The following UNC5D variants were observed in gnomAD, a reference collection of about 807,000 sequenced individuals.
The protein encoded by UNC5D is unc-5 netrin receptor D, also known as netrin receptor UNC5D.
A neutral mutation model predicts 105.4 loss-of-function variants in UNC5D; 39 were observed. That is an observed-to-expected ratio of 0.37 (90% CI 0.29 to 0.48). The LOEUF is 0.48. Ranked by LOEUF, UNC5D falls within the 20% of genes least tolerant of loss-of-function variation. UNC5D has a pLI of 0.98. For synonymous variants in UNC5D, 452 were observed against 450.4 expected (o/e 1.00, Z -0.04); for missense variants, 991 against 1,202.4 (o/e 0.82, Z 2.60).
At position 35,569,050 on chromosome 8, in the gene UNC5D, T is replaced by TA. The variant is rs34277362; in HGVS notation, c.466+828dup. Among the ~76,000 whole-genome samples, 740 of 118,852 alleles carry TA rather than the reference T, an allele frequency of 6.2e-3. 16 individuals carry two copies. The highest frequency in any genetic ancestry group is 0.059 in the East Asian group (242 of 4,124). The allele number at this position is 118,852 out of a possible 152,430, so 78.0% of individuals were successfully genotyped here. On this transcript the variant is annotated intron_variant, in intron 3 of 16. Coordinates refer to ENST00000404895, the MANE Select transcript of UNC5D (RefSeq NM_080872.4). ...TGCATTAGTTTGACCCAAGTAGGAC[T>TA]AAAAAAAAAAAAAAAAAAATACACA... is the stretch of plus-strand genomic sequence containing the variant.
chr8:35,566,977 G>C (rs1248547783), intron 2 of UNC5D, among the ~76,000 whole-genome samples: 2 of 152,008 alleles, frequency 1.3e-5, no homozygotes, highest in African/African-American at 2.4e-5. Flanking sequence ...AAGAAAGAAA[G>C]GTTGATAGTC....
chr8:35,486,707 G>A (rs957808994), intron 1 of UNC5D, among the ~76,000 whole-genome samples: 14 of 152,258 alleles, frequency 9.2e-5, no homozygotes, highest in Non-Finnish European at 1.5e-4. Flanking sequence ...TGCAAAGTGA[G>A]TACATGCTTC....
intron 4 of UNC5D, among the ~76,000 whole-genome samples, chr8:35,668,871 C>T (rs1208896783): frequency 6.6e-6 from 1 of 152,004 alleles, no homozygotes; most frequent in Non-Finnish European, 1.5e-5. Flanking sequence ...TGATAATTTT[C>T]AGTACTTAAA....
chr8:35,559,380 A>G (rs972047796), intron 2 of UNC5D, among the ~76,000 whole-genome samples: 6 of 152,158 alleles, frequency 3.9e-5, no homozygotes, highest in African/African-American at 1.4e-4. Flanking sequence ...GCATCCTACT[A>G]CAGAGAACTT....
chr8:35,435,969 T>C (rs1321162796), intron 1 of UNC5D, among the ~76,000 whole-genome samples: 1 of 152,096 alleles, frequency 6.6e-6, no homozygotes, highest in Non-Finnish European at 1.5e-5. Flanking sequence ...TAGAAAGTTT[T>C]AGCCATGAAG....
chr8:35,468,967 C>T (rs1417529087), intron 1 of UNC5D, among the ~76,000 whole-genome samples: 4 of 152,102 alleles, frequency 2.6e-5, no homozygotes, highest in Admixed American at 2.0e-4. Context: ...AGAAAAGTGG[C>T]CAGCAAAGCC....
chr8:35,719,187 C>CACACAT (rs66855470), intron 8 of UNC5D, among the ~76,000 whole-genome samples: 2 of 147,444 alleles, frequency 1.4e-5, no homozygotes, highest in East Asian at 2.0e-4. Context: ...CACACACACA[C>CACACAT]GACTTTCTCC....
intron 1 of UNC5D, among the ~76,000 whole-genome samples, chr8:35,292,827 C>T (rs997338274): frequency 6.6e-6 from 1 of 151,090 alleles, no homozygotes; most frequent in Non-Finnish European, 1.5e-5. Flanking sequence ...AGCAATTCTC[C>T]TGCCTCAGCT....
chr8:35,560,542 G>A (rs949795431), intron 2 of UNC5D, among the ~76,000 whole-genome samples: 15 of 152,196 alleles, frequency 9.9e-5, no homozygotes, highest in African/African-American at 3.6e-4. Flanking sequence ...GAGAAAGAAT[G>A]TATTTAAAAA....
chr8:35,460,889 A>G (rs1808837409), intron 1 of UNC5D, among the ~76,000 whole-genome samples: 2 of 152,194 alleles, frequency 1.3e-5, no homozygotes, highest in African/African-American at 4.8e-5. Flanking sequence ...GAATTACTCT[A>G]TTTATGTTTT....
intron 1 of UNC5D, among the ~76,000 whole-genome samples, chr8:35,528,156 A>G (rs1189762205): frequency 1.3e-5 from 2 of 148,732 alleles, no homozygotes; most frequent in East Asian, 4.0e-4. Context: ...CTAACTCGTC[A>G]TCTAGCATTA....
chr8:35,471,464 C>T (rs903071724), intron 1 of UNC5D, among the ~76,000 whole-genome samples: 4 of 151,916 alleles, frequency 2.6e-5, no homozygotes, highest in Non-Finnish European at 4.4e-5. Flanking sequence ...ATTATAACAC[C>T]TTGTAAACCA....
chr8:35,537,755 A>G (rs911047225), intron 1 of UNC5D, among the ~76,000 whole-genome samples: 4 of 150,732 alleles, frequency 2.7e-5, no homozygotes, highest in Admixed American at 2.0e-4. Context: ...AATTAAATAA[A>G]TACAAATTAA....
chr8:35,746,312 C>G (rs999596021), intron 11 of UNC5D, among the ~76,000 whole-genome samples: 20 of 152,028 alleles, frequency 1.3e-4, no homozygotes, highest in African/African-American at 4.8e-4. Flanking sequence ...TGTAAATCTC[C>G]CTGATTGTTA....
chr8:35,313,684 G>C (rs1237471030), intron 1 of UNC5D, among the ~76,000 whole-genome samples: 1 of 152,138 alleles, frequency 6.6e-6, no homozygotes, highest in Non-Finnish European at 1.5e-5. Context: ...GGCTGCCCAG[G>C]TGCAAATCCT....
At chr8:35,328,685 A>G (rs902406844) in intron 1 of UNC5D, among the ~76,000 whole-genome samples, 4 of 152,154 alleles carry the variant, frequency 2.6e-5, no homozygotes, top group African/African-American at 9.7e-5. Context: ...TTAATACACC[A>G]GCTCAGACAT....
chr8:35,246,515 C>T (rs1360313638), intron 1 of UNC5D, among the ~76,000 whole-genome samples: 2 of 152,050 alleles, frequency 1.3e-5, no homozygotes, highest in African/African-American at 4.8e-5. Context: ...GAGTTAGGCA[C>T]CCTCTGCCAT....
chr8:35,247,664 T>A (rs1380327350), intron 1 of UNC5D, among the ~76,000 whole-genome samples: 2 of 33,620 alleles, frequency 5.9e-5, no homozygotes, highest in Non-Finnish European at 9.1e-5. Context: ...ATAAAATATA[T>A]ATAATATATA....
intron 1 of UNC5D, among the ~76,000 whole-genome samples, chr8:35,438,681 A>T (rs1381622556): frequency 6.6e-6 from 1 of 151,970 alleles, no homozygotes; most frequent in Non-Finnish European, 1.5e-5. Context: ...GCCTTCGCAT[A>T]AATTTGCTTT....
Sources: gnomAD v4.1 joint callset for allele counts (sites outside exome capture counted in the v4.1 genomes callset) on GRCh38, gnomAD v4.1.1 for gene constraint, MANE v1.5 for transcripts, NCBI Gene and HGNC (gene_info 2026-07-23, HGNC 2026-07-21) for gene names.